AKAP17A: variants seen among roughly 807,000 people sequenced by gnomAD.
The protein encoded by AKAP17A is A-kinase anchor protein 17A.
A neutral mutation model predicts 52.2 loss-of-function variants in AKAP17A; 15 were observed. The ratio of observed to expected loss-of-function variants is 0.29; its 90% CI spans 0.19 to 0.44. The LOEUF (loss-of-function observed/expected upper bound fraction) is 0.44. AKAP17A is among the 20% of genes least tolerant of loss of function. The probability of loss-of-function intolerance (pLI) is 1.00; values close to 1 mark genes in which losing one functional copy is unlikely to be tolerated. For missense variants in AKAP17A, 1,060 were observed against 1,007.0 expected (o/e 1.05, Z -0.71); for synonymous variants, 514 against 424.7 (o/e 1.21, Z -2.58).
chrX:1,592,590 T>C (rs2149439417), intron 1 of AKAP17A, among the ~76,000 whole-genome samples: 1 of 151,866 alleles, frequency 6.6e-6, no homozygotes, highest in African/African-American at 2.4e-5. Context: ...CTTTCGCACC[T>C]CCCACCTCGG....
At chrX:1,595,966 G>T (rs6588800) in intron 3 of AKAP17A, among the ~76,000 whole-genome samples, 2,062 of 152,252 alleles carry the variant, frequency 0.014, 45 homozygotes, top group African/African-American at 0.047. Context: ...AGCTGTGCAC[G>T]TGAGGACCTG....
intron 2 of AKAP17A, among the ~76,000 whole-genome samples, chrX:1,594,886 G>A (rs1932912035): frequency 1.3e-5 from 2 of 152,172 alleles, no homozygotes; most frequent in South Asian, 2.1e-4. Flanking sequence ...CAAAGTGCTG[G>A]GATTACAGGC....
At position 1,600,755 on chromosome X, in the gene AKAP17A, G is replaced by A. The variant is rs751413586; in HGVS notation, c.1249G>A (p.Val417Met). The stretch of plus-strand genomic sequence containing the variant: ...GCTGCAGGAGGCCGAGCTGCGGCGC[G>A]TGGAGGAGGAGAAGGAGCGCGCGCT... ...RRLQEAELRRVEEEKERALGL... is the reference protein window; with the variant it reads ...RRLQEAELRRMEEEKERALGL... Residue 417 changes from valine (V) to methionine (M), a missense_variant, in exon 5 of 5, where the codon GTG becomes ATG. By Grantham distance (21) the Val-to-Met change is conservative. This residue lies in a region of AKAP17A where 793 missense variants were observed against 629.9 expected (regional missense o/e 1.26). Transcript: ENST00000313871. 12 of 1,559,764 alleles carry A rather than the reference G, an allele frequency of 7.7e-6. No homozygotes were observed. The highest frequency in any genetic ancestry group is 9.5e-6 in the Non-Finnish European group (11 of 1,156,798).
chrX:1,595,096 G>T (rs749969327), intron 2 of AKAP17A, among the ~76,000 whole-genome samples: 1 of 152,222 alleles, frequency 6.6e-6, no homozygotes, highest in Non-Finnish European at 1.5e-5. Context: ...CAGCGGTGGC[G>T]TGTCACTTGT....
chrX:1,597,444 G>A (rs1401863331), intron 3 of AKAP17A, among the ~76,000 whole-genome samples: 1 of 152,164 alleles, frequency 6.6e-6, no homozygotes, highest in Non-Finnish European at 1.5e-5. Flanking sequence ...CGCCATCCTG[G>A]GAGGCGGTCC....
At chrX:1,600,465 CG>C (rs1201518444) in intron 4 of AKAP17A, among the ~76,000 whole-genome samples, 193 bp from the exon 5 acceptor site, 1 of 152,094 alleles carries the variant, frequency 6.6e-6, no homozygotes, top group Non-Finnish European at 1.5e-5. Context: ...GGTGTGGCCG[CG>C]GGAGCCGAGG....
In AKAP17A at chrX:1,593,446, C is replaced by G. The variant is rs1367908434; in HGVS notation, c.-17C>G. 6.2e-7 allele frequency: 1 copy of G among 1,604,376 alleles called. No individual in the cohort carries two copies. Among genetic ancestry groups the G allele is most frequent in the East Asian group, 2.2e-5 (1 of 44,692 alleles). On this transcript the variant is annotated splice_region_variant and 5_prime_UTR_variant, in exon 2 of 5. Transcript: ENST00000313871. ...ACTGTCTGCGTCTTATGTTTCAGGC[C>G]CAAGGTCCCGGAGGCTATGGCAGCG...
chrX:1,592,844 G>A (rs1456067942), intron 1 of AKAP17A, among the ~76,000 whole-genome samples: 1 of 152,202 alleles, frequency 6.6e-6, no homozygotes, highest in Non-Finnish European at 1.5e-5. Flanking sequence ...TGGAAAGTTC[G>A]TTGTACTTTT....
chrX:1,599,586 C>T (rs1210485170), intron 4 of AKAP17A, 154 bp downstream of exon 4: 67 of 1,071,368 alleles, frequency 6.3e-5, no homozygotes, highest in Non-Finnish European at 8.4e-5. Flanking sequence ...GGCTCCTTCC[C>T]GGGAGGGTGT....
chrX:1,595,929 GGT>G (rs1932955276), intron 3 of AKAP17A, among the ~76,000 whole-genome samples: 2 of 152,120 alleles, frequency 1.3e-5, no homozygotes, highest in Admixed American at 6.5e-5. Context: ...TGCACGTATG[GGT>G]GTGTGTGCAG....
intron 4 of AKAP17A, 45 bp downstream of exon 4, chrX:1,599,477 C>G: frequency 6.4e-7 from 1 of 1,551,416 alleles, no homozygotes; most frequent in Non-Finnish European, 8.7e-7. Context: ...GCCCGGGCTG[C>G]CCTCAGTGCC....
At position 1,601,258 on chromosome X, in the gene AKAP17A, C is replaced by T. The variant is rs1933359933; in HGVS notation, c.1752C>T (p.Ser584=). ...SEQDKCNREP[S]KGRGRATGDG... is the part of the protein sequence containing the mutation. ...AGGACAAGTGCAACCGGGAGCCCAG[C>T]AAGGGCCGGGGCCGGGCCACCGGAG... Residue 584 remains serine (S), a synonymous_variant, in exon 5 of 5, where the codon AGC becomes AGT. Transcript: ENST00000313871. The T allele has an allele frequency of 6.2e-7, 1 of 1,613,376 alleles. No individual in the cohort carries two copies. The highest frequency in any genetic ancestry group is 8.5e-7 in the Non-Finnish European group (1 of 1,179,662).
At chrX:1,598,111 C>T (rs1454560995) in intron 3 of AKAP17A, among the ~76,000 whole-genome samples, 1 of 152,204 alleles carries the variant, frequency 6.6e-6, no homozygotes, top group Non-Finnish European at 1.5e-5. Context: ...GCTGCCCAGC[C>T]TCGAGGCGTC....
At chrX:1,599,861 C>T (rs1210779158) in intron 4 of AKAP17A, 44 of 588,628 alleles carry the variant, frequency 7.5e-5, no homozygotes, top group African/African-American at 3.5e-4. Flanking sequence ...GAGGGCTGAG[C>T]GCACAGAGGG....
Position 1,600,957 on chromosome X carries a change from T to C in AKAP17A, c.1451T>C (p.Leu484Pro), listed in dbSNP as rs1432860293. ...TCCGGCTGTGTGAGCGCCACCACGCTGCACCCCCTCGGGGGCCAGCCCCCG... is the reference window on the plus strand; with the variant it reads ...TCCGGCTGTGTGAGCGCCACCACGCCGCACCCCCTCGGGGGCCAGCCCCCG... ...VSSGCVSATT[L>P]HPLGGQPPAG... Residue 484 changes from leucine to proline, a missense_variant, in exon 5 of 5, where the codon CTG (leucine) becomes CCG (proline). This residue lies in a region of AKAP17A where 793 missense variants were observed against 629.9 expected (regional missense o/e 1.26). Transcript: ENST00000313871. The C allele has an allele frequency of 1.9e-6, 3 of 1,587,390 alleles. No individual in the cohort carries two copies. The highest frequency in any genetic ancestry group is 2.7e-5 in the African/African-American group (2 of 74,358).
Position 1,601,666 on chromosome X carries a change from G to C in AKAP17A, c.*72G>C. 7.5e-7 allele frequency: 1 copy of C among 1,330,598 alleles called. No homozygotes were observed. Among genetic ancestry groups the C allele is most frequent in the East Asian group, 2.9e-5 (1 of 34,760 alleles). 82.4% of individuals were successfully genotyped at this position (1,330,598 alleles called of 1,614,324 possible). A position where few individuals can be genotyped will look rare whatever the true frequency, so the allele number is the denominator to read the frequency against. On this transcript the variant is annotated 3_prime_UTR_variant, in exon 5 of 5. Transcript: ENST00000313871. ...TGCTCGAGCCTCCTGGCCGCTCCTT[G>C]GCCGCTCTCCGTCCACCCCTGCAAA...
chrX:1,597,605 G>A (rs1350904730), intron 3 of AKAP17A, among the ~76,000 whole-genome samples: 1 of 151,894 alleles, frequency 6.6e-6, no homozygotes, highest in Non-Finnish European at 1.5e-5. Flanking sequence ...GGCTGAATGT[G>A]CCTGTCCACA....
At chrX:1,600,054 C>T (rs1442706809) in intron 4 of AKAP17A, 2 of 847,656 alleles carry the variant, frequency 2.4e-6, no homozygotes, top group Non-Finnish European at 1.7e-6. Context: ...ACAGACGTCC[C>T]CGGCACGCTC....
At chrX:1,598,068 A>G (rs1422761631) in intron 3 of AKAP17A, among the ~76,000 whole-genome samples, 1 of 151,812 alleles carries the variant, frequency 6.6e-6, no homozygotes, top group Non-Finnish European at 1.5e-5. Context: ...CCTCACGTGT[A>G]ACTTTGAGCT....
Sources: gnomAD v4.1 joint callset for allele counts (sites outside exome capture counted in the v4.1 genomes callset) on GRCh38, gnomAD v4.1.1 for gene constraint, gnomAD v4.1.1 regional missense constraint, MANE v1.5 for transcripts, NCBI Gene and HGNC (gene_info 2026-07-23, HGNC 2026-07-21) for gene names.